The following LRRTM3 variants were observed in gnomAD, a reference collection of about 807,000 sequenced individuals.
LRRTM3 encodes leucine-rich repeat transmembrane neuronal protein 3.
Under a neutral mutation model 44.7 loss-of-function variants are expected in LRRTM3, and 24 were observed. The observed-to-expected ratio is 0.54, with a 90% CI of 0.39 to 0.76. The LOEUF (loss-of-function observed/expected upper bound fraction) is 0.76, where lower values mean the gene tolerates loss of function less well. Among genes scored for constraint, LRRTM3 ranks in the 30% least tolerant of loss-of-function variants. LRRTM3 has a pLI of 0.00. For synonymous variants in LRRTM3, 277 were observed against 278.7 expected, an observed-to-expected ratio of 0.99 and a Z score of 0.06; for missense variants, 587 against 702.2, an observed-to-expected ratio of 0.84 and a Z score of 1.85.
chr10:67,052,081 T>C (rs1452543135), intron 2 of LRRTM3, among the ~76,000 whole-genome samples: 2 of 152,140 alleles, frequency 1.3e-5, no homozygotes, highest in Non-Finnish European at 2.9e-5. Flanking sequence ...AAATGGGATT[T>C]TGTTTGGAGG....
At chr10:67,066,695 T>C (rs1317230746) in intron 2 of LRRTM3, among the ~76,000 whole-genome samples, 1 of 152,208 alleles carries the variant, frequency 6.6e-6, no homozygotes, top group Non-Finnish European at 1.5e-5. Flanking sequence ...AAACAAATAT[T>C]ATCCCTCTTC....
Position 67,101,338 on chromosome 10 carries a change from C to T in LRRTM3, c.*3542C>T, listed in dbSNP as rs906821776. ...TTGTCAACTGAACACATGTTCAATT[C>T]GGAGCTAATTGGGAAGACTTACATA... On this transcript the variant is annotated 3_prime_UTR_variant, in exon 3 of 3. Transcript: ENST00000361320. 8.6e-5 allele frequency among the ~76,000 whole-genome samples: 13 copies of T among 151,758 alleles called. No homozygotes were observed. The highest frequency in any genetic ancestry group is 3.1e-4 in the African/African-American group (13 of 41,476).
chr10:67,094,797 A>G (rs1021126465), intron 2 of LRRTM3, among the ~76,000 whole-genome samples: 11 of 151,774 alleles, frequency 7.2e-5, no homozygotes, highest in African/African-American at 2.7e-4. Context: ...TTACCTGAAC[A>G]CAATTTGAAA....
intron 2 of LRRTM3, among the ~76,000 whole-genome samples, chr10:67,005,703 T>TTTTTTTTTTTTTTTTTTTTG (rs1417141930): frequency 7.3e-6 from 1 of 136,146 alleles, no homozygotes. Flanking sequence ...TTTTTTTTTT[T>TTTTTTTTTTTTTTTTTTTTG]GAGACGGAGT....
chr10:66,929,009 G>C (rs1314031140), intron 2 of LRRTM3, among the ~76,000 whole-genome samples: 1 of 152,204 alleles, frequency 6.6e-6, no homozygotes, highest in Non-Finnish European at 1.5e-5. Context: ...GATGGTGCTA[G>C]GTTAAAGCAG....
At chr10:66,929,178 T>C (rs372398013) in intron 2 of LRRTM3, among the ~76,000 whole-genome samples, 1 of 152,238 alleles carries the variant, frequency 6.6e-6, no homozygotes, top group African/African-American at 2.4e-5. Flanking sequence ...AACCCATCTC[T>C]GTAAAATCAG....
chr10:66,927,448 C>G lies in LRRTM3; in HGVS notation c.532C>G (p.Gln178Glu). The G allele has an allele frequency of 6.2e-7, 1 of 1,614,120 alleles. No individual in the cohort carries two copies. Among genetic ancestry groups the G allele is most frequent in the East Asian group, 2.2e-5 (1 of 44,868 alleles). ...SLRTIPVRIF[Q>E]DCRNLELLDL... Reference sequence around the variant, plus strand: ...GAGAACCATCCCTGTGCGAATATTCCAAGACTGCCGCAACCTGGAACTTTT... The same window carrying G: ...GAGAACCATCCCTGTGCGAATATTCGAAGACTGCCGCAACCTGGAACTTTT... Residue 178 changes from glutamine (Q) to glutamate (E), a missense_variant, in exon 2 of 3, where the codon CAA becomes GAA. Transcript: ENST00000361320. The surrounding 1 kb of genome is among the most constrained non-coding windows in gnomAD (Gnocchi z 4.7).
At chr10:67,046,382 G>C (rs996664630) in intron 2 of LRRTM3, among the ~76,000 whole-genome samples, 1 of 152,172 alleles carries the variant, frequency 6.6e-6, no homozygotes, top group Non-Finnish European at 1.5e-5. Context: ...TGATCACTCA[G>C]TTATCTCTAC....
intron 2 of LRRTM3, among the ~76,000 whole-genome samples, chr10:67,047,765 T>C (rs145322636): frequency 2.4e-3 from 370 of 152,316 alleles, no homozygotes; most frequent in Middle Eastern, 6.8e-3. Flanking sequence ...TTTCATTTTC[T>C]AGCATTAACA....
chr10:67,092,849 C>T (rs184356415), intron 2 of LRRTM3, among the ~76,000 whole-genome samples: 25 of 152,122 alleles, frequency 1.6e-4, no homozygotes, highest in African/African-American at 5.5e-4. Context: ...TGTCAAGACA[C>T]TACTAGTGTA....
At chr10:66,990,764 T>C (rs1005390027) in intron 2 of LRRTM3, among the ~76,000 whole-genome samples, 3 of 152,174 alleles carry the variant, frequency 2.0e-5, no homozygotes. Flanking sequence ...CACTACTTGA[T>C]AATGTTCATA....
In LRRTM3 at chr10:66,964,201, G is replaced by T. The variant is rs538794940; in HGVS notation, c.1536+35749G>T. Among the ~76,000 whole-genome samples, 8 of 151,902 alleles carry T rather than the reference G, an allele frequency of 5.3e-5. 1 individual carries two copies. The highest frequency in any genetic ancestry group is 1.9e-4 in the African/African-American group (8 of 41,412). On this transcript the variant is annotated intron_variant, in intron 2 of 2. Transcript: ENST00000361320. ...ATCGTAGGAAAAACTTTGTCACACT[G>T]CTTTGGGATTCAGCACAACATTCTT...
intron 2 of LRRTM3, among the ~76,000 whole-genome samples, chr10:67,019,558 G>T (rs567691733): frequency 6.6e-6 from 1 of 152,178 alleles, no homozygotes; most frequent in Admixed American, 6.5e-5. Context: ...GAACTTTATC[G>T]TATATAAAAT....
chr10:66,999,736 G>A (rs1260208373), intron 2 of LRRTM3, among the ~76,000 whole-genome samples: 1 of 151,998 alleles, frequency 6.6e-6, no homozygotes, highest in Non-Finnish European at 1.5e-5. Flanking sequence ...AAAAACAATT[G>A]GCAATTTTAC....
chr10:67,043,597 C>G (rs1325226764), intron 2 of LRRTM3, among the ~76,000 whole-genome samples: 1 of 152,116 alleles, frequency 6.6e-6, no homozygotes, highest in African/African-American at 2.4e-5. Context: ...ATGTGCTGAT[C>G]GTTCAGTCTG....
intron 2 of LRRTM3, among the ~76,000 whole-genome samples, chr10:66,977,408 C>T (rs1850110778): frequency 6.7e-6 from 1 of 148,356 alleles, no homozygotes; most frequent in Non-Finnish European, 1.5e-5. Flanking sequence ...TGCACTCCAG[C>T]CTGGCGATAG....
chr10:66,968,949 G>A (rs1391460455), intron 2 of LRRTM3, among the ~76,000 whole-genome samples: 2 of 151,838 alleles, frequency 1.3e-5, no homozygotes, highest in African/African-American at 2.4e-5. Flanking sequence ...CCCAGGAAGC[G>A]GAGGTTCCAG....
intron 2 of LRRTM3, among the ~76,000 whole-genome samples, chr10:67,036,480 A>G (rs1278492966): frequency 6.6e-6 from 1 of 152,102 alleles, no homozygotes; most frequent in Non-Finnish European, 1.5e-5. Context: ...CCTGGCCAAC[A>G]TGGTGAAACC....
chr10:67,048,555 A>G (rs931725646), intron 2 of LRRTM3, among the ~76,000 whole-genome samples: 6 of 152,048 alleles, frequency 3.9e-5, no homozygotes, highest in Admixed American at 2.6e-4. Context: ...ATATCAAAAT[A>G]CCTTAAGGAC....
Sources: allele counts gnomAD v4.1 joint callset (sites outside exome capture counted in the v4.1 genomes callset), GRCh38; gene constraint gnomAD v4.1.1; non-coding constraint Gnocchi (gnomAD v3.1); transcripts MANE v1.5; gene names NCBI Gene and HGNC (gene_info 2026-07-23, HGNC 2026-07-21).